Variants in ZNF577 observed in about 807,000 individuals in gnomAD.
ZNF577 encodes zinc finger protein 577.
Under a neutral mutation model 13.9 loss-of-function variants are expected in ZNF577, and 14 were observed. That is an observed-to-expected ratio of 1.00 (90% CI 0.66 to 1.57). The LOEUF is 1.57. Among genes scored for constraint, ZNF577 ranks in the 40% most tolerant of loss-of-function variants. The pLI, the probability that ZNF577 is intolerant of heterozygous loss-of-function variation, is 0.00. For missense variants in ZNF577, 555 were observed against 579.2 expected (o/e 0.96, Z 0.43); for synonymous variants, 203 against 202.9 (o/e 1.00, Z 0.00).
intron 5 of ZNF577, among the ~76,000 whole-genome samples, chr19:51,852,253 C>G (rs993201690): frequency 3.9e-5 from 6 of 152,192 alleles, no homozygotes. Flanking sequence ...CACCAGACAG[C>G]GTGCTGGCCA....
At chr19:51,813,503 C>A (rs1236860646) in intron 9 of ZNF577, among the ~76,000 whole-genome samples, 1 of 151,950 alleles carries the variant, frequency 6.6e-6, no homozygotes, top group Non-Finnish European at 1.5e-5. Flanking sequence ...TGAAGAGACT[C>A]TGAAGGAGTC....
chr19:51,812,857 A>G (rs2084107058), intron 9 of ZNF577, among the ~76,000 whole-genome samples: 1 of 152,202 alleles, frequency 6.6e-6, no homozygotes, highest in Non-Finnish European at 1.5e-5. Flanking sequence ...GTGGGGGCTC[A>G]TGCCTGTAAT....
Position 51,873,654 on chromosome 19 carries a change from A to C in ZNF577, c.336T>G (p.Gly112=). ...RYAGKDSDAF[G]GYGRSCLHIK... ...TATGGAGGCATGATCTCCCATATCC[A>C]CCAAATGCATCAGAATCTTTTCCTG... Residue 112 remains glycine (G), a synonymous_variant, in exon 6 of 6, where the codon GGT becomes GGG. Coordinates refer to ENST00000638348, the MANE Select transcript of ZNF577 (RefSeq NM_001370449.1). The C allele has an allele frequency of 6.2e-7, 1 of 1,613,776 alleles. No individual in the cohort carries two copies. Among genetic ancestry groups the C allele is most frequent in the Non-Finnish European group, 8.5e-7 (1 of 1,179,852 alleles).
intron 6 of ZNF577, among the ~76,000 whole-genome samples, chr19:51,844,025 C>T (rs2122547719): frequency 6.7e-6 from 1 of 148,502 alleles, no homozygotes; most frequent in Admixed American, 6.7e-5. Context: ...TACACATTTC[C>T]TTAAGATACT....
intron 9 of ZNF577, among the ~76,000 whole-genome samples, chr19:51,837,515 G>A (rs1029090736): frequency 1.3e-5 from 2 of 152,132 alleles, no homozygotes; most frequent in Non-Finnish European, 2.9e-5. Context: ...AACCATACAG[G>A]ATCCATCCCA....
chr19:51,856,380 A>G (rs1282955178), intron 5 of ZNF577, among the ~76,000 whole-genome samples: 1 of 152,212 alleles, frequency 6.6e-6, no homozygotes, highest in African/African-American at 2.4e-5. Context: ...AAAAATTCGA[A>G]TATGTCCCCA....
chr19:51,855,641 C>T (rs1020177487), intron 5 of ZNF577, among the ~76,000 whole-genome samples: 2 of 152,074 alleles, frequency 1.3e-5, no homozygotes, highest in Non-Finnish European at 2.9e-5. Flanking sequence ...TTTTTCAGAG[C>T]TCTTGTTTGC....
At chr19:51,836,160 G>T (rs2122529020) in intron 9 of ZNF577, among the ~76,000 whole-genome samples, 1 of 152,268 alleles carries the variant, frequency 6.6e-6, no homozygotes, top group African/African-American at 2.4e-5. Context: ...TGTTTCTAAT[G>T]ATTACTCATC....
intron 5 of ZNF577, chr19:51,860,705 A>G (rs2084487799): frequency 4.7e-6 from 1 of 210,660 alleles, no homozygotes; most frequent in Non-Finnish European, 9.4e-6. Flanking sequence ...TGATATAATT[A>G]GTGACCTTTG....
chr19:51,839,732 C>G (rs972809360), intron 9 of ZNF577: 2 of 152,302 alleles, frequency 1.3e-5, no homozygotes, highest in Non-Finnish European at 2.9e-5. Context: ...CCACTCGACG[C>G]TGAGGATGCT....
At chr19:51,823,749 A>T in intron 9 of ZNF577, 1 of 1,577,212 alleles carries the variant, frequency 6.3e-7, no homozygotes. Context: ...GTGTGGGAAG[A>T]TGGAAACCAA....
intron 1 of ZNF577, among the ~76,000 whole-genome samples, chr19:51,885,326 T>C (rs1264212868): frequency 6.6e-6 from 1 of 152,248 alleles, no homozygotes; most frequent in East Asian, 1.9e-4. Flanking sequence ...ATTTGTCATC[T>C]GTCTGCACCT....
At chr19:51,883,714 C>A (rs1003270156) in intron 1 of ZNF577, among the ~76,000 whole-genome samples, 3 of 152,032 alleles carry the variant, frequency 2.0e-5, no homozygotes, top group Non-Finnish European at 2.9e-5. Context: ...TTCAAACAAT[C>A]CAATGTTAAA....
At chr19:51,844,238 T>C (rs10153496) in intron 6 of ZNF577, among the ~76,000 whole-genome samples, 10,787 of 152,152 alleles carry the variant, frequency 0.071, 597 homozygotes, top group South Asian at 0.23. Context: ...TTAAGCACTA[T>C]TATGTTCTTT....
intron 5 of ZNF577, among the ~76,000 whole-genome samples, chr19:51,850,345 G>A (rs992364004): frequency 5.3e-5 from 8 of 152,182 alleles, no homozygotes; most frequent in African/African-American, 1.7e-4. Flanking sequence ...AGTCAATCAC[G>A]TCTATGTGAT....
rs577315019 is a variant in ZNF577 at position 51,880,826 on chromosome 19, T to C, written c.-167A>G. ...CTGGAAATGATGATCTTCCCCAGCC[T>C]GGAAGCTCCTTCTTCCATTACTGAA... On this transcript the variant is annotated 5_prime_UTR_variant, in exon 2 of 6. Coordinates refer to ENST00000638348, the MANE Select transcript of ZNF577 (RefSeq NM_001370449.1). 8.8e-4 allele frequency: 140 copies of C among 159,548 alleles called. 1 individual carries two copies. Among genetic ancestry groups the C allele is most frequent in the Non-Finnish European group, 8.3e-5 (6 of 72,550 alleles). The allele number at this position is 159,548 out of a possible 1,614,324, so 9.9% of individuals were successfully genotyped here. A position where few individuals can be genotyped will look rare whatever the true frequency, so the allele number is the denominator to read the frequency against.
At chr19:51,848,938 T>C (rs1200698744) in intron 5 of ZNF577, among the ~76,000 whole-genome samples, 3 of 151,560 alleles carry the variant, frequency 2.0e-5, no homozygotes, top group Non-Finnish European at 2.9e-5. Context: ...CTTTAGATAA[T>C]GAGCTGGAAA....
intron 9 of ZNF577, among the ~76,000 whole-genome samples, chr19:51,833,505 T>C (rs2084272009): frequency 6.6e-6 from 1 of 152,196 alleles, no homozygotes; most frequent in Non-Finnish European, 1.5e-5. Flanking sequence ...TTGCAAAAGC[T>C]AGTTCAGGCA....
At chr19:51,807,376 G>A (rs2084066970) in intron 10 of ZNF577, among the ~76,000 whole-genome samples, 1 of 152,210 alleles carries the variant, frequency 6.6e-6, no homozygotes, top group African/African-American at 2.4e-5. Flanking sequence ...TGGCAGCGCA[G>A]TGTGAGTTTG....
Sources: allele counts gnomAD v4.1 joint callset (sites outside exome capture counted in the v4.1 genomes callset), GRCh38; gene constraint gnomAD v4.1.1; transcripts MANE v1.5; gene names NCBI Gene and HGNC (gene_info 2026-07-23, HGNC 2026-07-21).